PDHX: variants seen among roughly 807,000 people sequenced by gnomAD.
PDHX encodes pyruvate dehydrogenase protein X component, mitochondrial.
PDHX carries 33 observed loss-of-function variants against 55.3 expected under a neutral mutation model. That is an observed-to-expected ratio of 0.60 (90% CI 0.45 to 0.80). The LOEUF is 0.80. PDHX is among the 30% of genes least tolerant of loss of function. PDHX has a pLI of 0.00. For missense variants in PDHX, 622 were observed against 619.9 expected (o/e 1.00, Z -0.04); for synonymous variants, 226 against 219.4 (o/e 1.03, Z -0.27).
At chr11:34,941,191 G>C (rs1006652994) in intron 2 of PDHX, among the ~76,000 whole-genome samples, 1 of 152,118 alleles carries the variant, frequency 6.6e-6, no homozygotes, top group African/African-American at 2.4e-5. Flanking sequence ...TAGCAACCAG[G>C]TTGCCTCAGG....
chr11:34,959,077 T>G lies in PDHX; in HGVS notation c.543-1343T>G, dbSNP rs1041129077. Among the ~76,000 whole-genome samples the G allele has an allele frequency of 7.2e-5, 11 of 152,154 alleles. No homozygotes were observed. The South Asian group carries it at 2.3e-3, about 31-fold the overall frequency. On this transcript the variant is annotated intron_variant, in intron 4 of 10. Coordinates refer to ENST00000227868, the MANE Select transcript of PDHX (RefSeq NM_003477.3). ...TTTCTAGATCCAGCCTGTTTTAATC[T>G]GTACTAATCAGGCTTATTTTCTTTA... is the stretch of plus-strand genomic sequence containing the variant.
At chr11:34,940,413 G>T (rs1262499636) in intron 2 of PDHX, among the ~76,000 whole-genome samples, 1 of 152,088 alleles carries the variant, frequency 6.6e-6, no homozygotes, top group Non-Finnish European at 1.5e-5. Flanking sequence ...AGTTATATGG[G>T]TCTCTGGATT....
chr11:34,946,533 C>T (rs192165252), intron 2 of PDHX, among the ~76,000 whole-genome samples: 3 of 152,156 alleles, frequency 2.0e-5, no homozygotes, highest in Non-Finnish European at 2.9e-5. Context: ...TTCCCTCCTA[C>T]GCAGTCCCCC....
intron 1 of PDHX, among the ~76,000 whole-genome samples, chr11:34,927,645 A>G (rs973520895): frequency 1.3e-5 from 2 of 152,102 alleles, no homozygotes; most frequent in African/African-American, 4.8e-5. Context: ...GTTCTAATCA[A>G]AAGAGGGTAT....
intron 2 of PDHX, among the ~76,000 whole-genome samples, chr11:34,943,652 T>C (rs1372690850): frequency 6.6e-6 from 1 of 152,228 alleles, no homozygotes; most frequent in African/African-American, 2.4e-5. Flanking sequence ...TTTGGTCTCT[T>C]CCTGCATATC....
chr11:34,978,821 C>T (rs986455120), intron 8 of PDHX, among the ~76,000 whole-genome samples: 1 of 152,000 alleles, frequency 6.6e-6, no homozygotes, highest in Non-Finnish European at 1.5e-5. Flanking sequence ...GTACATGAGG[C>T]CTTGTTGGAC....
Position 34,916,777 on chromosome 11 carries a change from C to T in PDHX, c.122C>T (p.Ala41Val). ...CTTGGGTGGTCTGTAAGCCGCGGAG[C>T]TAATTGGAGATGGTTTCACAGCACG... ...GALGWSVSRG[A>V]NWRWFHSTQW... Residue 41 changes from alanine (A) to valine (V), a missense_variant, in exon 1 of 11, where the codon GCT (alanine) becomes GTT (valine). Coordinates refer to ENST00000227868, the MANE Select transcript of PDHX (RefSeq NM_003477.3). 1.2e-6 allele frequency: 2 copies of T among 1,602,576 alleles called. No homozygotes were observed. The highest frequency in any genetic ancestry group is 2.3e-5 in the East Asian group (1 of 44,392).
chr11:34,965,235 G>A (rs562960334), intron 5 of PDHX, among the ~76,000 whole-genome samples: 19 of 152,306 alleles, frequency 1.2e-4, no homozygotes, highest in African/African-American at 4.3e-4. Context: ...TTGACAGAAT[G>A]CAGTTCCTTG....
At position 34,966,355 on chromosome 11, in the gene PDHX, A is replaced by AAAG. The variant is rs539430741; in HGVS notation, c.642-283_642-281dup. 4.9e-3 allele frequency among the ~76,000 whole-genome samples: 745 copies of AAAG among 152,348 alleles called. 6 individuals carry two copies. The highest frequency in any genetic ancestry group is 0.01 in the Middle Eastern group (3 of 294). On this transcript the variant is annotated intron_variant, in intron 5 of 10. Coordinates refer to ENST00000227868, the MANE Select transcript of PDHX (RefSeq NM_003477.3). ...CAAATAACGTCCACTGCACAGAAAA[A>AAAG]AAGACTAATTTCCTTTTTAAAAATC...
At chr11:34,958,154 C>A (rs1328931811) in intron 4 of PDHX, among the ~76,000 whole-genome samples, 5 of 152,166 alleles carry the variant, frequency 3.3e-5, no homozygotes, top group Non-Finnish European at 4.4e-5. Flanking sequence ...TCTAACATTT[C>A]ATTTATTTAG....
At chr11:34,973,305 GTAAATATGTT>G (rs1228167599) in intron 7 of PDHX, among the ~76,000 whole-genome samples, 1 of 152,108 alleles carries the variant, frequency 6.6e-6, no homozygotes, top group African/African-American at 2.4e-5. Context: ...CTTTTTAAAT[GTAAATATGTT>G]TATTTAAGTA....
chr11:34,981,031 G>T (rs1026572903), intron 8 of PDHX, among the ~76,000 whole-genome samples: 1 of 151,732 alleles, frequency 6.6e-6, no homozygotes, highest in African/African-American at 2.4e-5. Flanking sequence ...TAAGTTTTAG[G>T]GTACATGTGC....
At chr11:34,930,584 T>A (rs1854134993) in intron 1 of PDHX, among the ~76,000 whole-genome samples, 1 of 152,210 alleles carries the variant, frequency 6.6e-6, no homozygotes, top group South Asian at 2.1e-4. Context: ...ATGGACGTAT[T>A]TGTTACCATG....
intron 7 of PDHX, among the ~76,000 whole-genome samples, chr11:34,972,975 T>C (rs2732559): frequency 0.6 from 91,023 of 152,006 alleles, 28,802 homozygotes; most frequent in East Asian, 0.75. Flanking sequence ...TGCAAAGGAA[T>C]GTTCTATAAA....
chr11:34,918,271 C>G (rs1025727742), intron 1 of PDHX, among the ~76,000 whole-genome samples: 3 of 136,214 alleles, frequency 2.2e-5, no homozygotes, highest in African/African-American at 7.8e-5. Context: ...ACCCCCGTCT[C>G]TACTTAAAAA....
intron 2 of PDHX, among the ~76,000 whole-genome samples, chr11:34,934,594 T>C (rs61881134): frequency 7.6e-6 from 1 of 132,026 alleles, no homozygotes; most frequent in Middle Eastern, 4.1e-3. Flanking sequence ...TTTTTTTTTT[T>C]TGAGACATGG....
intron 1 of PDHX, among the ~76,000 whole-genome samples, chr11:34,924,093 C>G (rs1301840806): frequency 6.6e-6 from 1 of 152,174 alleles, no homozygotes; most frequent in Non-Finnish European, 1.5e-5. Context: ...TGACATCTTA[C>G]AATGTAATAG....
At chr11:34,942,209 G>C (rs1348728449) in intron 2 of PDHX, among the ~76,000 whole-genome samples, 1 of 152,112 alleles carries the variant, frequency 6.6e-6, no homozygotes, top group African/African-American at 2.4e-5. Flanking sequence ...ACAGAATATG[G>C]AATAAATGTG....
rs559306377 is a variant in PDHX, at chr11:34,920,929, T to A, written c.160+4114T>A. ...TGCTAGTCCTCTTCTCTCACCTGCC[T>A]GTTTTTTGTAGGCATCTGAGTTTTT... is the stretch of plus-strand genomic sequence containing the variant. On this transcript the variant is annotated intron_variant, in intron 1 of 10. Coordinates refer to ENST00000227868, the MANE Select transcript of PDHX (RefSeq NM_003477.3). 2.6e-5 allele frequency among the ~76,000 whole-genome samples: 4 copies of A among 152,330 alleles called. No individual in the cohort carries two copies. The East Asian group carries it at 7.7e-4, about 29-fold the overall frequency.
Sources: gnomAD v4.1 joint callset for allele counts (sites outside exome capture counted in the v4.1 genomes callset) on GRCh38, gnomAD v4.1.1 for gene constraint, MANE v1.5 for transcripts, NCBI Gene and HGNC (gene_info 2026-07-23, HGNC 2026-07-21) for gene names.